PCDH15: variants seen among roughly 807,000 people sequenced by gnomAD.
PCDH15 encodes protocadherin related 15.
In PCDH15, 129 loss-of-function variants were observed where a neutral mutation model predicts 178.5. That is an observed-to-expected ratio of 0.72 (90% CI 0.63 to 0.84). PCDH15 has a LOEUF of 0.84. Among genes scored for constraint, PCDH15 ranks in the 40% least tolerant of loss-of-function variants. The pLI, the probability that PCDH15 is intolerant of heterozygous loss-of-function variation, is 0.00. For synonymous variants in PCDH15, 800 were observed against 732.0 expected (o/e 1.09, Z -1.50); for missense variants, 2,230 against 2,099.9 (o/e 1.06, Z -1.21).
In PCDH15 at chr10:54,630,993, G is replaced by T. The variant is rs566278420; in HGVS notation, c.91+33179C>A. 8.5e-5 allele frequency among the ~76,000 whole-genome samples: 13 copies of T among 152,176 alleles called. No homozygotes were observed. The South Asian group carries it at 2.7e-3, about 32-fold the overall frequency. On this transcript the variant is annotated intron_variant, in intron 2 of 37. Coordinates refer to ENST00000644397, the MANE Select transcript of PCDH15 (RefSeq NM_001384140.1). The stretch of plus-strand genomic sequence containing the variant: ...CCAATCGGAATGCTATTATTAAAAA[G>T]TCAAAAAATAACAGATGTTGATGAT...
chr10:55,002,065 G>A (rs947479530), intron 2 of PCDH15, among the ~76,000 whole-genome samples: 1 of 152,158 alleles, frequency 6.6e-6, no homozygotes, highest in Non-Finnish European at 1.5e-5. Flanking sequence ...GATTCTACTG[G>A]TGGAAGTTAC....
Position 54,226,506 on chromosome 10 carries a change from A to C in PCDH15, c.985+10317T>G, listed in dbSNP as rs772872744. 4.5e-4 allele frequency among the ~76,000 whole-genome samples: 69 copies of C among 152,274 alleles called. 2 individuals are homozygous for C. In the Middle Eastern group the frequency reaches 0.021, roughly 45 times the overall value. ...CCTGTGTCAGGAGTTCGAGACCAGCATGCATAGCATAGTGAGATCCCATCT... is the reference window on the plus strand; with the variant it reads ...CCTGTGTCAGGAGTTCGAGACCAGCCTGCATAGCATAGTGAGATCCCATCT... On this transcript the variant is annotated intron_variant, in intron 9 of 37. Coordinates refer to ENST00000644397, the MANE Select transcript of PCDH15 (RefSeq NM_001384140.1).
intron 21 of PCDH15, among the ~76,000 whole-genome samples, chr10:53,981,925 CA>C (rs2090679625): frequency 6.6e-6 from 1 of 151,372 alleles, no homozygotes; most frequent in Non-Finnish European, 1.5e-5. Context: ...ACTCATCTGA[CA>C]AAGGGCTAAT....
chr10:54,325,733 A>G lies in PCDH15; in HGVS notation c.705+3863T>C, dbSNP rs182923785. Among the ~76,000 whole-genome samples the G allele has an allele frequency of 3.8e-3, 585 of 152,108 alleles. 3 individuals carry two copies. Among genetic ancestry groups the G allele is most frequent in the African/African-American group, 0.013 (531 of 41,514 alleles). On this transcript the variant is annotated intron_variant, in intron 7 of 37. Transcript: ENST00000644397. Reference sequence around the variant, plus strand: ...CACTGCACTCTAGCCTGGGCAACATAGCAATACTCTCCTCCCCTCCCAAAA... The same window carrying G: ...CACTGCACTCTAGCCTGGGCAACATGGCAATACTCTCCTCCCCTCCCAAAA...
intron 8 of PCDH15, among the ~76,000 whole-genome samples, chr10:54,252,884 C>A (rs1003084194): frequency 2.0e-5 from 3 of 151,564 alleles, no homozygotes; most frequent in African/African-American, 7.3e-5. Flanking sequence ...GTATAAATTT[C>A]TTTCTGATCT....
intron 3 of PCDH15, among the ~76,000 whole-genome samples, chr10:54,402,850 A>G (rs183592474): frequency 1.6e-4 from 24 of 152,078 alleles, no homozygotes; most frequent in African/African-American, 5.3e-4. Flanking sequence ...ACACAACAAT[A>G]TTAAAATTAG....
intron 2 of PCDH15, among the ~76,000 whole-genome samples, chr10:55,034,660 A>T (rs74136327): frequency 1.8e-3 from 267 of 152,308 alleles, no homozygotes; most frequent in African/African-American, 6.2e-3. Flanking sequence ...GACTCTAAAA[A>T]CTAATAAGAA....
rs190074353 is a variant in PCDH15 at position 54,658,610 on chromosome 10, T to C, written c.91+5562A>G. On this transcript the variant is annotated intron_variant, in intron 2 of 37. Coordinates refer to ENST00000644397, the MANE Select transcript of PCDH15 (RefSeq NM_001384140.1). ...AAGTGGTAAGGGAAATTTTCACCCA[T>C]AGACTGGTCCTTCAAAAAATCCTTA... Among the ~76,000 whole-genome samples, 14 of 152,262 alleles carry C rather than the reference T, an allele frequency of 9.2e-5. No individual in the cohort carries two copies. In the East Asian group the frequency reaches 2.3e-3, roughly 25 times the overall value.
chr10:54,096,561 G>T (rs2094703167), intron 15 of PCDH15, among the ~76,000 whole-genome samples: 1 of 152,046 alleles, frequency 6.6e-6, no homozygotes, highest in Admixed American at 6.6e-5. Flanking sequence ...CAGTTCTGGG[G>T]CTGAGAGATT....
At chr10:54,932,221 C>T (rs1451112297) in intron 2 of PCDH15, among the ~76,000 whole-genome samples, 1 of 152,174 alleles carries the variant, frequency 6.6e-6, no homozygotes, top group African/African-American at 2.4e-5. Context: ...GAGATGAGCG[C>T]TTCACGCATG....
intron 3 of PCDH15, among the ~76,000 whole-genome samples, chr10:54,403,225 G>A (rs1489006479): frequency 6.6e-6 from 1 of 152,004 alleles, no homozygotes; most frequent in Non-Finnish European, 1.5e-5. Flanking sequence ...TAGCTATGAA[G>A]GCTGAGAGAG....
chr10:54,972,496 C>T (rs1382714803), intron 2 of PCDH15, among the ~76,000 whole-genome samples: 1 of 151,334 alleles, frequency 6.6e-6, no homozygotes, highest in African/African-American at 2.4e-5. Context: ...GCTGAGATCG[C>T]GTTATTGCAC....
intron 1 of PCDH15, among the ~76,000 whole-genome samples, chr10:55,292,313 C>T (rs374966815): frequency 5.9e-5 from 9 of 152,144 alleles, no homozygotes; most frequent in African/African-American, 1.4e-4. Flanking sequence ...AACAAAGGGG[C>T]TACAGGCCCC....
In PCDH15 at chr10:53,808,790, G is replaced by A. The variant is rs772988268; in HGVS notation, c.4672-1660C>T. The A allele has an allele frequency of 1.5e-5, 24 of 1,611,886 alleles. No individual in the cohort carries two copies. Among genetic ancestry groups the A allele is most frequent in the Admixed American group, 1.0e-4 (6 of 59,654 alleles). On this transcript the variant is annotated intron_variant, in intron 37 of 37. Coordinates refer to ENST00000644397, the MANE Select transcript of PCDH15 (RefSeq NM_001384140.1). ...TACGCTGGTACCTGATAGCCCCATG[G>A]ACCTCCAGACTGACTTTCGCTACTA...
intron 25 of PCDH15, among the ~76,000 whole-genome samples, chr10:53,916,313 C>G (rs977253864): frequency 2.6e-5 from 4 of 152,254 alleles, no homozygotes; most frequent in Admixed American, 2.6e-4. Context: ...CTAAGTATTA[C>G]TTAAATTTTG....
intron 27 of PCDH15, among the ~76,000 whole-genome samples, chr10:53,858,148 C>T (rs2078878003): frequency 6.6e-6 from 1 of 152,128 alleles, no homozygotes; most frequent in Admixed American, 6.6e-5. Context: ...TATTATCATG[C>T]ACATACATTT....
rs767966376 is a variant in PCDH15 at position 54,369,193 on chromosome 10, C to T, written c.401G>A (p.Arg134Gln). 14 of 1,612,856 alleles carry T rather than the reference C, an allele frequency of 8.7e-6. No individual in the cohort carries two copies. Among genetic ancestry groups the T allele is most frequent in the African/African-American group, 4.0e-5 (3 of 74,834 alleles). Reference protein sequence around the residue: ...KVGTIIYHEVRIVVRDRNDNS... With the variant: ...KVGTIIYHEVQIVVRDRNDNS... ...GTCATTCCTGTCTCTCACCACTATT[C>T]GCACTTCATGGTAGATAATAGTGCC... is the stretch of plus-strand genomic sequence containing the variant. Residue 134 changes from arginine to glutamine, a missense_variant, in exon 5 of 38, where the codon CGA becomes CAA. Coordinates refer to ENST00000644397, the MANE Select transcript of PCDH15 (RefSeq NM_001384140.1).
At chr10:55,125,320 T>C (rs187255148) in intron 2 of PCDH15, among the ~76,000 whole-genome samples, 3 of 152,094 alleles carry the variant, frequency 2.0e-5, no homozygotes, top group East Asian at 3.9e-4. Flanking sequence ...ACAAAACAGA[T>C]AGGAATGTGT....
At chr10:54,279,947 A>G (rs1368538277) in intron 8 of PCDH15, among the ~76,000 whole-genome samples, 2 of 151,826 alleles carry the variant, frequency 1.3e-5, no homozygotes, top group East Asian at 3.9e-4. Flanking sequence ...TAGCTCATCA[A>G]AACTTGTTTT....
Sources: allele counts gnomAD v4.1 joint callset (sites outside exome capture counted in the v4.1 genomes callset), GRCh38; gene constraint gnomAD v4.1.1; transcripts MANE v1.5; gene names NCBI Gene and HGNC (gene_info 2026-07-23, HGNC 2026-07-21).